RUNX1: variants seen among roughly 807,000 people sequenced by gnomAD.
RUNX1 encodes RUNX family transcription factor 1.
Under a neutral mutation model 42.8 loss-of-function variants are expected in RUNX1, and 19 were observed. That is an observed-to-expected ratio of 0.44 (90% CI 0.31 to 0.65). The LOEUF is 0.65. Ranked by LOEUF, RUNX1 falls within the 30% of genes least tolerant of loss-of-function variation. RUNX1 has a pLI of 0.07. For missense variants in RUNX1, 528 were observed against 672.0 expected, an observed-to-expected ratio of 0.79 and a Z score of 2.37; for synonymous variants, 271 against 289.4, an observed-to-expected ratio of 0.94 and a Z score of 0.64.
rs377766157 is a variant in RUNX1, at chr21:34,888,505, C to CA, written c.98-1410dup. On this transcript the variant is annotated intron_variant, in intron 3 of 8. Transcript: ENST00000675419. ...ATTCAAAAGGAAGAAAGGGGAAAAA[C>CA]AAAAAAAAACAACAAAAAAAGGAAG... is the stretch of plus-strand genomic sequence containing the variant. The CA allele has an allele frequency of 8.5e-3, 8,975 of 1,053,482 alleles. 60 individuals carry two copies. The highest frequency in any genetic ancestry group is 0.051 in the Middle Eastern group (121 of 2,370). 65.3% of individuals were successfully genotyped at this position (1,053,482 alleles called of 1,614,324 possible).
intron 2 of RUNX1, among the ~76,000 whole-genome samples, chr21:34,966,402 C>T (rs1476907976): frequency 6.6e-6 from 1 of 152,032 alleles, no homozygotes; most frequent in African/African-American, 2.4e-5. Context: ...TTTTATTATC[C>T]CCAGTTAGCA....
At chr21:34,971,439 T>TAAGAAGGTAC (rs2058762766) in intron 2 of RUNX1, among the ~76,000 whole-genome samples, 1 of 152,176 alleles carries the variant, frequency 6.6e-6, no homozygotes, top group South Asian at 2.1e-4. Flanking sequence ...TGCTTTATCT[T>TAAGAAGGTAC]AAGAAGGTAC....
intron 3 of RUNX1, chr21:34,889,623 C>T (rs888599751): frequency 4.5e-5 from 48 of 1,074,598 alleles, no homozygotes; most frequent in Non-Finnish European, 5.1e-5. Flanking sequence ...GGAAGCGGCC[C>T]CCGCTCCTCT....
intron 5 of RUNX1, among the ~76,000 whole-genome samples, chr21:34,860,967 G>A (rs1198553728): frequency 6.6e-6 from 1 of 152,194 alleles, no homozygotes; most frequent in Non-Finnish European, 1.5e-5. Flanking sequence ...ATTAGATGAT[G>A]AAGGCTGCTC....
chr21:34,998,241 G>C (rs538130445), intron 2 of RUNX1, among the ~76,000 whole-genome samples: 1 of 152,256 alleles, frequency 6.6e-6, no homozygotes, highest in South Asian at 2.1e-4. Flanking sequence ...AAGAGGAAAA[G>C]CAGGGGGCTT....
At chr21:35,047,567 T>TCTCC (rs2059408944) in intron 2 of RUNX1, among the ~76,000 whole-genome samples, 1 of 119,658 alleles carries the variant, frequency 8.4e-6, no homozygotes, top group Non-Finnish European at 1.8e-5. Context: ...ACACACTCTC[T>TCTCC]CTCTCTCTCT....
At chr21:34,798,829 G>A (rs1264376336) in intron 8 of RUNX1, among the ~76,000 whole-genome samples, 2 of 151,888 alleles carry the variant, frequency 1.3e-5, no homozygotes, top group Non-Finnish European at 2.9e-5. Flanking sequence ...TGGTATCCAT[G>A]GGGGGTCCTG....
chr21:34,928,343 T>A (rs1218043159), intron 2 of RUNX1, among the ~76,000 whole-genome samples: 2 of 152,098 alleles, frequency 1.3e-5, no homozygotes, highest in Non-Finnish European at 2.9e-5. Context: ...CCAAAAAGAA[T>A]TTGAAGTAAA....
intron 2 of RUNX1, among the ~76,000 whole-genome samples, chr21:35,034,098 A>G (rs2059290721): frequency 6.6e-6 from 1 of 152,152 alleles, no homozygotes; most frequent in African/African-American, 2.4e-5. Flanking sequence ...AGGCACCCAG[A>G]CTTCAAAACC....
intron 7 of RUNX1, among the ~76,000 whole-genome samples, chr21:34,801,437 C>T (rs765500489): frequency 1.3e-5 from 2 of 152,166 alleles, no homozygotes; most frequent in Admixed American, 6.5e-5. Flanking sequence ...ACCATGCAAA[C>T]GTTGCATAAT....
intron 5 of RUNX1, among the ~76,000 whole-genome samples, chr21:34,866,024 C>T (rs949323867): frequency 2.0e-5 from 3 of 152,156 alleles, no homozygotes; most frequent in Non-Finnish European, 4.4e-5. Context: ...CAGGTATCCC[C>T]GGTCTACCTG....
intron 2 of RUNX1, among the ~76,000 whole-genome samples, chr21:34,960,871 A>G (rs1215169511): frequency 1.3e-5 from 2 of 152,126 alleles, no homozygotes; most frequent in Non-Finnish European, 2.9e-5. Context: ...GTGAATGACA[A>G]TGGGAAGATT....
intron 7 of RUNX1, chr21:34,829,713 T>C (rs145518331): frequency 3.9e-5 from 6 of 152,370 alleles, no homozygotes; most frequent in East Asian, 3.9e-4. Context: ...TGGTGTTTGA[T>C]TGTAGCCTCC....
intron 2 of RUNX1, among the ~76,000 whole-genome samples, chr21:35,047,561 ACTCTCTCTCTCTCT>A (rs55862184): frequency 6.4e-5 from 3 of 46,760 alleles, no homozygotes; most frequent in African/African-American, 1.7e-4. Context: ...ACACACACAC[ACTCTCTCTCTCTCT>A]CTCTCTCTCT....
chr21:34,915,114 T>C (rs946261324), intron 2 of RUNX1, among the ~76,000 whole-genome samples: 9 of 152,238 alleles, frequency 5.9e-5, no homozygotes, highest in Admixed American at 5.9e-4. Context: ...TTAGACTTTG[T>C]TTACCCTAGC....
chr21:34,888,533 C>A, intron 3 of RUNX1: 2 of 1,064,894 alleles, frequency 1.9e-6, no homozygotes, highest in Non-Finnish European at 2.3e-6. Flanking sequence ...AAAGGAAGGT[C>A]CAACGCAGGC....
chr21:35,047,549 ACACACACACACACTCTCTCTCTCTCTCT>A (rs1386353085), intron 2 of RUNX1, among the ~76,000 whole-genome samples: 3 of 107,686 alleles, frequency 2.8e-5, no homozygotes, highest in African/African-American at 1.2e-4. Flanking sequence ...ACACACACAC[ACACACACACACACTCTCTCTCTCTCTCT>A]CTCTCTCTCT....
chr21:34,834,904 T>C (rs2057122037), intron 6 of RUNX1, among the ~76,000 whole-genome samples: 1 of 152,074 alleles, frequency 6.6e-6, no homozygotes, highest in Non-Finnish European at 1.5e-5. Context: ...ATACAGAACT[T>C]GGCGGTGGTG....
At chr21:34,800,349 GA>G (rs1019521438) in intron 7 of RUNX1, among the ~76,000 whole-genome samples, 19 of 152,330 alleles carry the variant, frequency 1.2e-4, no homozygotes, top group African/African-American at 4.6e-4. Flanking sequence ...AATGTGTAAG[GA>G]AACTTAAATT....
Sources: gnomAD v4.1 joint callset for allele counts (sites outside exome capture counted in the v4.1 genomes callset) on GRCh38, gnomAD v4.1.1 for gene constraint, MANE v1.5 for transcripts, NCBI Gene and HGNC (gene_info 2026-07-23, HGNC 2026-07-21) for gene names.